Variants in DMD observed in about 807,000 individuals in gnomAD.
DMD encodes dystrophin.
Under a neutral mutation model 330.1 loss-of-function variants are expected in DMD, and 63 were observed. The ratio of observed to expected loss-of-function variants is 0.19; its 90% CI spans 0.16 to 0.24. The LOEUF (loss-of-function observed/expected upper bound fraction) is 0.24, where lower values mean the gene tolerates loss of function less well. Ranked by LOEUF, DMD falls within the 10% of genes least tolerant of loss-of-function variation. The probability of loss-of-function intolerance (pLI) is 1.00; values close to 1 mark genes in which losing one functional copy is unlikely to be tolerated. For synonymous variants in DMD, 1,223 were observed against 959.8 expected, an observed-to-expected ratio of 1.27 and a Z score of -5.07; for missense variants, 3,344 against 2,684.1, an observed-to-expected ratio of 1.25 and a Z score of -5.43.
At chrX:31,516,800 C>G (rs2072256345) in intron 55 of DMD, among the ~76,000 whole-genome samples, 2 of 111,870 alleles carry the variant, frequency 1.8e-5, no homozygotes, top group African/African-American at 6.5e-5. Flanking sequence ...GCTCTCTCAG[C>G]AGGGAGAAGG....
intron 2 of DMD, among the ~76,000 whole-genome samples, chrX:32,999,294 T>C (rs1017525892): frequency 3.6e-5 from 4 of 111,995 alleles, no homozygotes; most frequent in Non-Finnish European, 7.5e-5. Flanking sequence ...GAGATATTTT[T>C]TAGATTTATT....
chrX:33,128,546 T>C, intron 1 of DMD: 2 of 682,815 alleles, frequency 2.9e-6, no homozygotes, highest in Non-Finnish European at 3.5e-6. Flanking sequence ...TGTCGTCTGC[T>C]TTATATAGGA....
At chrX:31,638,369 A>T (rs1283903658) in intron 54 of DMD, among the ~76,000 whole-genome samples, 2 of 111,308 alleles carry the variant, frequency 1.8e-5, no homozygotes, top group East Asian at 5.7e-4. Flanking sequence ...CTGTAGTTCT[A>T]CTCATGTTCT....
At chrX:32,108,048 C>G (rs1286205874) in intron 44 of DMD, among the ~76,000 whole-genome samples, 1 of 111,265 alleles carries the variant, frequency 9.0e-6, no homozygotes, top group Admixed American at 9.6e-5. Flanking sequence ...CCCCCTGTCC[C>G]AAACTTTAAA....
intron 2 of DMD, among the ~76,000 whole-genome samples, chrX:32,889,984 C>T (rs150732328): frequency 2.1e-3 from 238 of 111,422 alleles, no homozygotes; most frequent in Middle Eastern, 4.7e-3. Flanking sequence ...CAGGATCTAC[C>T]GGAAAGTAGG....
chrX:31,397,095 G>T (rs1016736752), intron 60 of DMD, among the ~76,000 whole-genome samples: 4 of 111,665 alleles, frequency 3.6e-5, no homozygotes, highest in African/African-American at 1.3e-4. Flanking sequence ...GCTTTGATGG[G>T]GCTCCTTTAT....
intron 44 of DMD, among the ~76,000 whole-genome samples, chrX:32,000,497 C>T (rs765601102): frequency 8.9e-6 from 1 of 111,886 alleles, no homozygotes; most frequent in African/African-American, 3.2e-5. Context: ...ATGAAATTAC[C>T]TTAAATGCTA....
intron 42 of DMD, among the ~76,000 whole-genome samples, chrX:32,291,753 T>G (rs2097470675): frequency 8.9e-6 from 1 of 111,800 alleles, no homozygotes; most frequent in Non-Finnish European, 1.9e-5. Flanking sequence ...CTGAAAAGCC[T>G]TTGAGGCATC....
At chrX:32,385,432 C>T (rs1479953834) in intron 33 of DMD, among the ~76,000 whole-genome samples, 1 of 110,736 alleles carries the variant, frequency 9.0e-6, no homozygotes, top group Non-Finnish European at 1.9e-5. Context: ...AAACCTGAAC[C>T]TATAAAATGA....
chrX:32,755,466 A>T (rs1822532368), intron 7 of DMD, among the ~76,000 whole-genome samples: 1 of 111,766 alleles, frequency 8.9e-6, no homozygotes, highest in African/African-American at 3.3e-5. Context: ...TGTATTCTGA[A>T]TTCTAATAGA....
intron 45 of DMD, among the ~76,000 whole-genome samples, chrX:31,950,159 C>T (rs1344634324): frequency 5.4e-5 from 6 of 111,225 alleles, no homozygotes; most frequent in Non-Finnish European, 7.6e-5. Context: ...GTAAGCACTG[C>T]TTTAGTTACA....
chrX:32,536,325 A>G (rs1015181152), intron 17 of DMD, among the ~76,000 whole-genome samples: 12 of 109,007 alleles, frequency 1.1e-4, no homozygotes, highest in Non-Finnish European at 2.3e-4. Flanking sequence ...GCAAGGTTAG[A>G]TAACCAGAAA....
chrX:32,411,531 T>C (rs978863315), intron 30 of DMD, among the ~76,000 whole-genome samples: 1 of 111,828 alleles, frequency 8.9e-6, no homozygotes, highest in South Asian at 3.7e-4. Context: ...GTCTTTGAAA[T>C]GTCTTTATTT....
At chrX:31,886,915 A>G (rs371423515) in intron 47 of DMD, among the ~76,000 whole-genome samples, 3 of 112,217 alleles carry the variant, frequency 2.7e-5, no homozygotes, top group African/African-American at 9.7e-5. Context: ...TTCTATAGAA[A>G]GAGGTTTATG....
chrX:32,390,304 T>A, intron 30 of DMD, 123 bp from the exon 31 acceptor site: 1 of 555,253 alleles, frequency 1.8e-6, no homozygotes, highest in Non-Finnish European at 3.1e-6. Context: ...AAAATGACCG[T>A]AAATTGGCCA....
intron 1 of DMD, among the ~76,000 whole-genome samples, chrX:33,322,425 A>G: frequency 9.0e-6 from 1 of 110,721 alleles, no homozygotes; most frequent in Non-Finnish European, 1.9e-5. Context: ...CACTCAGAAC[A>G]CACACAACAT....
intron 4 of DMD, among the ~76,000 whole-genome samples, chrX:32,842,536 A>AC (rs72351473): frequency 0.024 from 2,584 of 108,874 alleles, 36 homozygotes; most frequent in Middle Eastern, 0.057. Context: ...TGCAAGTAAG[A>AC]CCCCCCCCAT....
At chrX:32,848,316 C>A (rs1014223418) in intron 3 of DMD, among the ~76,000 whole-genome samples, 4 of 112,032 alleles carry the variant, frequency 3.6e-5, no homozygotes, top group African/African-American at 3.2e-5. Flanking sequence ...ACACTGATTT[C>A]TGTACATATG....
chrX:31,699,114 GA>G (rs771011801), intron 52 of DMD, among the ~76,000 whole-genome samples: 2 of 111,959 alleles, frequency 1.8e-5, no homozygotes, highest in South Asian at 7.6e-4. Flanking sequence ...AAGGCACTGA[GA>G]AAAGTACCTG....
Sources: allele counts gnomAD v4.1 joint callset (sites outside exome capture counted in the v4.1 genomes callset), GRCh38; gene constraint gnomAD v4.1.1; transcripts MANE v1.5; gene names NCBI Gene and HGNC (gene_info 2026-07-23, HGNC 2026-07-21).